BCKDHB: variants seen among roughly 807,000 people sequenced by gnomAD.
BCKDHB encodes 2-oxoisovalerate dehydrogenase subunit beta, mitochondrial.
Under a neutral mutation model 48.5 loss-of-function variants are expected in BCKDHB, and 41 were observed. The ratio of observed to expected loss-of-function variants is 0.85; its 90% CI spans 0.66 to 1.10. The LOEUF is 1.10. BCKDHB is among the 50% of genes least tolerant of loss of function. The pLI is 0.00. For missense variants in BCKDHB, 496 were observed against 494.2 expected (o/e 1.00, Z -0.03); for synonymous variants, 201 against 174.8 (o/e 1.15, Z -1.18).
At chr6:80,161,801 T>C (rs1772331049) in intron 3 of BCKDHB, among the ~76,000 whole-genome samples, 1 of 152,232 alleles carries the variant, frequency 6.6e-6, no homozygotes, top group Non-Finnish European at 1.5e-5. Flanking sequence ...ATAATCTCAG[T>C]TTGAAGCATC....
At chr6:80,199,506 G>T (rs1003622085) in intron 6 of BCKDHB, among the ~76,000 whole-genome samples, 1 of 152,026 alleles carries the variant, frequency 6.6e-6, no homozygotes, top group African/African-American at 2.4e-5. Flanking sequence ...GGCTAGGCGC[G>T]ATGGCTCACG....
intron 9 of BCKDHB, among the ~76,000 whole-genome samples, chr6:80,317,504 T>C (rs1382799557): frequency 6.6e-6 from 1 of 152,174 alleles, no homozygotes; most frequent in Non-Finnish European, 1.5e-5. Context: ...TGACCCTTCT[T>C]CTATAGTCAC....
chr6:80,223,804 C>T (rs574588854), intron 8 of BCKDHB, among the ~76,000 whole-genome samples: 2 of 152,170 alleles, frequency 1.3e-5, no homozygotes, highest in South Asian at 4.1e-4. Flanking sequence ...AGACATGTTT[C>T]GTATGTCTCT....
intron 3 of BCKDHB, among the ~76,000 whole-genome samples, chr6:80,141,385 C>A (rs1482284704): frequency 6.6e-6 from 1 of 152,068 alleles, no homozygotes; most frequent in Non-Finnish European, 1.5e-5. Context: ...TGAAAAAAAT[C>A]TATTTTTGTG....
intron 3 of BCKDHB, among the ~76,000 whole-genome samples, chr6:80,134,523 C>G (rs1770788427): frequency 6.6e-6 from 1 of 152,052 alleles, no homozygotes; most frequent in African/African-American, 2.4e-5. Flanking sequence ...AGGGAAAGGA[C>G]TAGGTGGTCC....
intron 9 of BCKDHB, among the ~76,000 whole-genome samples, chr6:80,339,703 A>G (rs1207993297): frequency 6.6e-6 from 1 of 152,122 alleles, no homozygotes; most frequent in African/African-American, 2.4e-5. Context: ...TCCTTCACAT[A>G]TCTTAGCCTA....
At chr6:80,383,415 G>A in the BCKDHB span, among the ~76,000 whole-genome samples, 10 of 151,870 alleles carry the variant, frequency 6.6e-5, no homozygotes, top group East Asian at 1.9e-3. Flanking sequence ...TTTTTTAAAT[G>A]CATAGAAAAC....
intron 8 of BCKDHB, among the ~76,000 whole-genome samples, chr6:80,253,173 G>A (rs553032769): frequency 6.6e-6 from 1 of 152,314 alleles, no homozygotes; most frequent in Non-Finnish European, 1.5e-5. Flanking sequence ...GGGAACAGAT[G>A]TCAGCAGATA....
intron 9 of BCKDHB, among the ~76,000 whole-genome samples, chr6:80,295,981 A>G (rs961954923): frequency 2.6e-5 from 4 of 152,244 alleles, no homozygotes; most frequent in Non-Finnish European, 5.9e-5. Flanking sequence ...AAAAGCTATT[A>G]ATACCTCAAA....
chr6:80,108,251 C>A (rs151336425), intron 1 of BCKDHB, among the ~76,000 whole-genome samples: 2 of 150,514 alleles, frequency 1.3e-5, no homozygotes, highest in African/African-American at 4.9e-5. Flanking sequence ...ATATAATTTA[C>A]TTGGAGGGCG....
At chr6:80,287,054 GT>G (rs1231030461) in intron 9 of BCKDHB, among the ~76,000 whole-genome samples, 2 of 152,118 alleles carry the variant, frequency 1.3e-5, no homozygotes, top group African/African-American at 4.8e-5. Context: ...AGGTGAACTG[GT>G]GGGGAGTGAG....
chr6:80,426,159 G>A, the BCKDHB span, among the ~76,000 whole-genome samples: 1 of 152,110 alleles, frequency 6.6e-6, no homozygotes, highest in Admixed American at 6.5e-5. Context: ...TAGTAAGAAT[G>A]TTGTCTCCCT....
intron 8 of BCKDHB, among the ~76,000 whole-genome samples, chr6:80,260,163 A>G (rs557008527): frequency 1.3e-5 from 2 of 152,220 alleles, no homozygotes; most frequent in South Asian, 4.2e-4. Flanking sequence ...CCAGCTGCCA[A>G]TACTGATGGC....
chr6:80,346,622 G>T (rs1770212752), downstream of BCKDHB, among the ~76,000 whole-genome samples: 1 of 152,188 alleles, frequency 6.6e-6, no homozygotes. Context: ...CCAAGTTTTA[G>T]CTGTAGCTGT....
At chr6:80,278,954 A>G (rs1030874642) in intron 9 of BCKDHB, among the ~76,000 whole-genome samples, 1 of 152,212 alleles carries the variant, frequency 6.6e-6, no homozygotes, top group African/African-American at 2.4e-5. Flanking sequence ...TTATTTTGGT[A>G]GAGATAAAAC....
intron 3 of BCKDHB, chr6:80,135,725 T>C (rs1488164848): frequency 6.6e-6 from 1 of 152,206 alleles, no homozygotes; most frequent in East Asian, 1.9e-4. Context: ...TTCAGTGTTA[T>C]TAAGTACATT....
intron 1 of BCKDHB, among the ~76,000 whole-genome samples, chr6:80,108,870 A>C (rs1769270430): frequency 6.6e-6 from 1 of 152,156 alleles, no homozygotes. Context: ...AAAAAACCCC[A>C]AAAAACCAAA....
At chr6:80,258,803 C>A (rs1181581690) in intron 8 of BCKDHB, among the ~76,000 whole-genome samples, 1 of 151,536 alleles carries the variant, frequency 6.6e-6, no homozygotes, top group Admixed American at 6.6e-5. Context: ...ATCACTGATG[C>A]TCAAGTTAAC....
intron 9 of BCKDHB, among the ~76,000 whole-genome samples, chr6:80,278,809 G>A (rs1166138048): frequency 1.3e-5 from 2 of 151,668 alleles, no homozygotes; most frequent in African/African-American, 4.8e-5. Context: ...CACCGACCTC[G>A]GCCTCCCAAA....
Sources: gnomAD v4.1 joint callset for allele counts (sites outside exome capture counted in the v4.1 genomes callset) on GRCh38, gnomAD v4.1.1 for gene constraint, MANE v1.5 for transcripts, NCBI Gene and HGNC (gene_info 2026-07-23, HGNC 2026-07-21) for gene names.